Variants in CDH13 observed in about 807,000 individuals in gnomAD.
CDH13 encodes the protein cadherin-13.
CDH13 carries 24 observed loss-of-function variants against 63.8 expected under a neutral mutation model. The ratio of observed to expected loss-of-function variants is 0.38; its 90% CI spans 0.27 to 0.53. CDH13 has a LOEUF of 0.53. Ranked by LOEUF, CDH13 falls within the 20% of genes least tolerant of loss-of-function variation. CDH13 has a pLI of 0.85. For synonymous variants in CDH13, 503 were observed against 355.3 expected (o/e 1.42, Z -4.67); for missense variants, 1,049 against 903.1 (o/e 1.16, Z -2.07).
intron 2 of CDH13, among the ~76,000 whole-genome samples, chr16:83,015,064 C>T: frequency 6.6e-6 from 1 of 150,968 alleles, no homozygotes; most frequent in East Asian, 1.9e-4. Flanking sequence ...TATTTAATAG[C>T]TATTAAGAGA....
chr16:83,372,402 C>G lies in CDH13; in HGVS notation c.781+27396C>G, dbSNP rs372255522. Among the ~76,000 whole-genome samples the G allele has an allele frequency of 1.3e-4, 20 of 152,186 alleles. No individual in the cohort carries two copies. In the South Asian group the frequency reaches 4.2e-3, roughly 32 times the overall value. On this transcript the variant is annotated intron_variant, in intron 6 of 13. Transcript: ENST00000567109. ...AGGACGTTTTTCTCCCCATTCTTCC[C>G]CAAATTCAGTGCAAAAAATATATAT...
chr16:83,171,866 A>T (rs2037934161), intron 4 of CDH13, among the ~76,000 whole-genome samples: 1 of 152,138 alleles, frequency 6.6e-6, no homozygotes, highest in Non-Finnish European at 1.5e-5. Context: ...TTACCTTGCC[A>T]TTTTATAATG....
chr16:82,783,161 C>T (rs1194885561), intron 1 of CDH13, among the ~76,000 whole-genome samples: 1 of 152,220 alleles, frequency 6.6e-6, no homozygotes, highest in African/African-American at 2.4e-5. Context: ...AAGAAACAGG[C>T]TTCCAGGAGC....
At chr16:82,990,570 A>G (rs904617894) in intron 2 of CDH13, among the ~76,000 whole-genome samples, 9 of 134,990 alleles carry the variant, frequency 6.7e-5, no homozygotes, top group African/African-American at 2.6e-4. Flanking sequence ...TTTTAGAGAC[A>G]GAGTCTCACT....
intron 5 of CDH13, among the ~76,000 whole-genome samples, chr16:83,227,355 G>A (rs561022132): frequency 1.1e-4 from 17 of 152,318 alleles, no homozygotes; most frequent in African/African-American, 4.1e-4. Flanking sequence ...GTTGGCACAT[G>A]GTATGGAAGC....
intron 6 of CDH13, among the ~76,000 whole-genome samples, chr16:83,471,639 GC>G (rs769069418): frequency 1.3e-5 from 2 of 152,302 alleles, no homozygotes; most frequent in East Asian, 1.9e-4. Flanking sequence ...CAGAGAGGCT[GC>G]CCCATGTGTC....
chr16:83,652,519 G>A (rs1912478458), intron 8 of CDH13, among the ~76,000 whole-genome samples: 1 of 152,174 alleles, frequency 6.6e-6, no homozygotes, highest in Non-Finnish European at 1.5e-5. Context: ...TGGGAAGAAG[G>A]AGGGTCCTCG....
At chr16:82,890,638 A>C (rs1216722877) in intron 2 of CDH13, among the ~76,000 whole-genome samples, 1 of 146,344 alleles carries the variant, frequency 6.8e-6, no homozygotes, top group Non-Finnish European at 1.5e-5. Flanking sequence ...TAAATTGAGC[A>C]TGAGAGACAT....
intron 5 of CDH13, among the ~76,000 whole-genome samples, chr16:83,264,466 GTATA>G (rs887870075): frequency 1.3e-5 from 2 of 151,690 alleles, no homozygotes; most frequent in Non-Finnish European, 2.9e-5. Flanking sequence ...TCGTATATAT[GTATA>G]TATAGTATTT....
chr16:83,713,487 A>G (rs1908387017), intron 10 of CDH13, among the ~76,000 whole-genome samples: 1 of 151,454 alleles, frequency 6.6e-6, no homozygotes, highest in Non-Finnish European at 1.5e-5. Context: ...AGATATTTGC[A>G]TCTCTCAACT....
At position 82,847,158 on chromosome 16, in the gene CDH13, C is replaced by G. The variant is rs150638073; in HGVS notation, c.46-11204C>G. 4.1e-3 allele frequency among the ~76,000 whole-genome samples: 619 copies of G among 152,268 alleles called. 4 individuals carry two copies. The highest frequency in any genetic ancestry group is 0.014 in the African/African-American group (594 of 41,538). On this transcript the variant is annotated intron_variant, in intron 1 of 13. Transcript: ENST00000567109. ...ATGTTAAAATACCAAGTAAAGGGAA[C>G]CCATATTTTCTGAGTGTCTATTGTG...
At chr16:83,596,837 T>C (rs1907305964) in intron 7 of CDH13, among the ~76,000 whole-genome samples, 1 of 152,256 alleles carries the variant, frequency 6.6e-6, no homozygotes, top group Non-Finnish European at 1.5e-5. Flanking sequence ...ATTTTGTTAC[T>C]GTTCTCCTTG....
At chr16:83,512,413 G>A (rs1228369097) in intron 7 of CDH13, among the ~76,000 whole-genome samples, 2 of 150,554 alleles carry the variant, frequency 1.3e-5, no homozygotes, top group Admixed American at 1.3e-4. Flanking sequence ...GCTCATGCCT[G>A]TAATCCCAGC....
At chr16:82,828,522 G>A (rs2038367986) in intron 1 of CDH13, among the ~76,000 whole-genome samples, 1 of 152,098 alleles carries the variant, frequency 6.6e-6, no homozygotes. Context: ...AGCTACTCAG[G>A]TGGCTGAGGC....
At chr16:83,465,288 G>A (rs1015096594) in intron 6 of CDH13, among the ~76,000 whole-genome samples, 3 of 152,202 alleles carry the variant, frequency 2.0e-5, no homozygotes, top group Non-Finnish European at 4.4e-5. Context: ...CTACAAAGGC[G>A]ACAGAAGCAA....
At chr16:83,664,955 A>C (rs1913797061) in intron 8 of CDH13, among the ~76,000 whole-genome samples, 1 of 152,222 alleles carries the variant, frequency 6.6e-6, no homozygotes. Context: ...TGCCTAGTGG[A>C]GTCTCCAGCA....
At chr16:83,190,019 C>T (rs765739537) in intron 4 of CDH13, among the ~76,000 whole-genome samples, 2 of 152,156 alleles carry the variant, frequency 1.3e-5, no homozygotes, top group Non-Finnish European at 2.9e-5. Context: ...TGAGGCCTCC[C>T]CCACCATGTG....
At chr16:83,045,941 C>G (rs1917741622) in intron 3 of CDH13, among the ~76,000 whole-genome samples, 1 of 152,216 alleles carries the variant, frequency 6.6e-6, no homozygotes, top group Admixed American at 6.5e-5. Flanking sequence ...CTCCAGTCTA[C>G]CCATGTTGGG....
At chr16:83,684,868 G>A (rs1904288960) in intron 10 of CDH13, among the ~76,000 whole-genome samples, 1 of 152,188 alleles carries the variant, frequency 6.6e-6, no homozygotes, top group Admixed American at 6.5e-5. Context: ...GTGGCTCAGA[G>A]CAGACGGAAG....
Sources: gnomAD v4.1 joint callset for allele counts (sites outside exome capture counted in the v4.1 genomes callset) on GRCh38, gnomAD v4.1.1 for gene constraint, MANE v1.5 for transcripts, NCBI Gene and HGNC (gene_info 2026-07-23, HGNC 2026-07-21) for gene names.